The following TXNL1 variants were observed in gnomAD, a reference collection of about 807,000 sequenced individuals.
The protein encoded by TXNL1 is thioredoxin-like protein 1.
A neutral mutation model predicts 35.5 loss-of-function variants in TXNL1; 14 were observed. The ratio of observed to expected loss-of-function variants is 0.39; its 90% CI spans 0.26 to 0.62. TXNL1 has a LOEUF of 0.62. TXNL1 is among the 20% of genes least tolerant of loss of function. The pLI is 0.47. For missense variants in TXNL1, 263 were observed against 349.7 expected (o/e 0.75, Z 1.98); for synonymous variants, 110 against 115.5 (o/e 0.95, Z 0.31).
At chr18:56,626,653 C>T (rs1289799147) in intron 1 of TXNL1, among the ~76,000 whole-genome samples, 196 bp from the exon 2 acceptor site, 1 of 151,566 alleles carries the variant, frequency 6.6e-6, no homozygotes, top group East Asian at 1.9e-4. Context: ...CCCACCACCA[C>T]GCCCAGCTAA....
chr18:56,636,125 T>C (rs2024451364), intron 1 of TXNL1, among the ~76,000 whole-genome samples: 1 of 152,204 alleles, frequency 6.6e-6, no homozygotes, highest in South Asian at 2.1e-4. Context: ...TTATGTTATA[T>C]ATATTTTATC....
chr18:56,604,879 G>T (rs1279198996), intron 7 of TXNL1, among the ~76,000 whole-genome samples: 2 of 152,076 alleles, frequency 1.3e-5, no homozygotes, highest in Non-Finnish European at 2.9e-5. Context: ...TTTTCCAAAA[G>T]AATTCTATAG....
chr18:56,615,390 G>GAAAA (rs5825192), intron 5 of TXNL1, among the ~76,000 whole-genome samples: 2 of 121,656 alleles, frequency 1.6e-5, no homozygotes, highest in African/African-American at 3.1e-5. Context: ...CCAATCAATC[G>GAAAA]AAAAAAAAAA....
chr18:56,637,534 C>T (rs1322769556), intron 1 of TXNL1, among the ~76,000 whole-genome samples: 1 of 152,234 alleles, frequency 6.6e-6, no homozygotes, highest in Non-Finnish European at 1.5e-5. Flanking sequence ...CTTTACTACA[C>T]ATCCACTATA....
In TXNL1 at chr18:56,617,921, G is replaced by A. The variant is rs529309781; in HGVS notation, c.492+83C>T. The A allele has an allele frequency of 2.1e-4, 322 of 1,522,900 alleles. No individual in the cohort carries two copies. In the African/African-American group the frequency reaches 3.1e-3, roughly 15 times the overall value. 94.3% of individuals were successfully genotyped at this position (1,522,900 alleles called of 1,614,324 possible). ...AAGTGATCATCTGGGAAGGAGAGAC[G>A]TAAGCCACAAAATGGGAACAAGAAA... On this transcript the variant is annotated intron_variant, in intron 4 of 7. Transcript: ENST00000217515.
intron 1 of TXNL1, among the ~76,000 whole-genome samples, chr18:56,633,606 C>A (rs1351581582): frequency 8.4e-6 from 1 of 118,446 alleles, no homozygotes. Flanking sequence ...AGCAACAGAG[C>A]GAGACCCTGT....
chr18:56,617,742 T>G (rs921416618), intron 4 of TXNL1, among the ~76,000 whole-genome samples: 11 of 151,982 alleles, frequency 7.2e-5, no homozygotes, highest in African/African-American at 2.7e-4. Context: ...GACCAAACAG[T>G]GGTAAGAGCT....
At chr18:56,612,015 ATCTTTTT>A (rs1334742485) in intron 6 of TXNL1, among the ~76,000 whole-genome samples, 9 of 105,462 alleles carry the variant, frequency 8.5e-5, no homozygotes, top group South Asian at 3.1e-4. Context: ...CGCCCGGCTA[ATCTTTTT>A]TTTTTTTTTT....
intron 1 of TXNL1, among the ~76,000 whole-genome samples, chr18:56,631,809 A>G (rs1044843030): frequency 2.6e-5 from 4 of 151,974 alleles, no homozygotes; most frequent in African/African-American, 9.7e-5. Flanking sequence ...AATCTCAGCT[A>G]CTTGGGAGGC....
chr18:56,626,196 T>G, intron 2 of TXNL1, 165 bp downstream of exon 2: 1 of 1,359,080 alleles, frequency 7.4e-7, no homozygotes, highest in Non-Finnish European at 9.5e-7. Context: ...TCTTCTTAAC[T>G]AATGCAGCCA....
intron 2 of TXNL1, among the ~76,000 whole-genome samples, chr18:56,624,943 C>G (rs2024251915): frequency 6.6e-6 from 1 of 152,106 alleles, no homozygotes; most frequent in African/African-American, 2.4e-5. Flanking sequence ...TTTATTCTTA[C>G]AGAAATGACT....
chr18:56,617,561 C>A (rs2024110629), intron 4 of TXNL1, among the ~76,000 whole-genome samples: 1 of 152,198 alleles, frequency 6.6e-6, no homozygotes, highest in Non-Finnish European at 1.5e-5. Flanking sequence ...ACCCAACTTA[C>A]TTTGTGATAA....
chr18:56,600,130 A>T lies in TXNL1; in HGVS notation c.*2897T>A. The T allele has an allele frequency of 6.6e-6, 1 of 152,256 alleles. No homozygotes were observed. The highest frequency in any genetic ancestry group is 1.9e-4 in the East Asian group (1 of 5,198). The allele number at this position is 152,256 out of a possible 1,614,324, so 9.4% of individuals were successfully genotyped here. On this transcript the variant is annotated 3_prime_UTR_variant, in exon 8 of 8. Coordinates refer to ENST00000217515, the MANE Select transcript of TXNL1 (RefSeq NM_004786.3). ...AACAAGGGAGGATCTGAACTATTTT[A>T]GGTTTAAAAGCCCATGATCAGGGAT...
At chr18:56,625,590 G>A (rs1365994812) in intron 2 of TXNL1, among the ~76,000 whole-genome samples, 1 of 152,134 alleles carries the variant, frequency 6.6e-6, no homozygotes, top group African/African-American at 2.4e-5. Flanking sequence ...TAAATCAGGG[G>A]CCAATGATAT....
chr18:56,637,743 A>C lies in TXNL1; in HGVS notation c.98+600T>G, dbSNP rs115788029. Among the ~76,000 whole-genome samples, 590 of 152,330 alleles carry C rather than the reference A, an allele frequency of 3.9e-3. 10 individuals are homozygous for C. Among genetic ancestry groups the C allele is most frequent in the African/African-American group, 0.014 (562 of 41,556 alleles). ...GCAATCGCATACATAGGGGAGCCTA[A>C]GCTACAAGTTAGTGGCCGAACGAGG... On this transcript the variant is annotated intron_variant, in intron 1 of 7. Transcript: ENST00000217515.
At chr18:56,624,510 T>C (rs1467046473) in intron 2 of TXNL1, 49 bp from the exon 3 acceptor site, 4 of 1,551,572 alleles carry the variant, frequency 2.6e-6, no homozygotes, top group South Asian at 1.2e-5. Context: ...TTAAACCACT[T>C]TGAATATTCA....
intron 3 of TXNL1, among the ~76,000 whole-genome samples, chr18:56,622,817 A>G (rs1344520636): frequency 6.6e-6 from 1 of 152,222 alleles, no homozygotes; most frequent in African/African-American, 2.4e-5. Context: ...AATGATTTCC[A>G]AAACTGTCCA....
At chr18:56,621,059 T>C (rs1482041281) in intron 3 of TXNL1, among the ~76,000 whole-genome samples, 1 of 152,216 alleles carries the variant, frequency 6.6e-6, no homozygotes, top group Middle Eastern at 3.2e-3. Context: ...CCTATCTATA[T>C]GTCACTTCAA....
chr18:56,605,082 C>T (rs1316294303), intron 7 of TXNL1: 1 of 147,048 alleles, frequency 6.8e-6, no homozygotes, highest in African/African-American at 2.5e-5. Flanking sequence ...AAAATTAAAG[C>T]ACCTAGTTGC....
Sources: gnomAD v4.1 joint callset for allele counts (sites outside exome capture counted in the v4.1 genomes callset) on GRCh38, gnomAD v4.1.1 for gene constraint, MANE v1.5 for transcripts, NCBI Gene and HGNC (gene_info 2026-07-23, HGNC 2026-07-21) for gene names.